The following XKR4 variants were observed in gnomAD, a reference collection of about 807,000 sequenced individuals.
The protein encoded by XKR4 is XK-related protein 4.
In XKR4, 12 loss-of-function variants were observed where a neutral mutation model predicts 53.9. The ratio of observed to expected loss-of-function variants is 0.22; its 90% CI spans 0.14 to 0.36. The LOEUF is 0.36. XKR4 is among the 10% of genes least tolerant of loss of function. The pLI is 1.00. For missense variants in XKR4, 799 were observed against 859.5 expected (o/e 0.93, Z 0.88); for synonymous variants, 354 against 362.4 (o/e 0.98, Z 0.26).
intron 2 of XKR4, among the ~76,000 whole-genome samples, chr8:55,460,083 A>T (rs1805631240): frequency 6.6e-6 from 1 of 152,142 alleles, no homozygotes; most frequent in African/African-American, 2.4e-5. Flanking sequence ...ATACAACTGG[A>T]TACTATTCAG....
intron 1 of XKR4, among the ~76,000 whole-genome samples, chr8:55,113,377 T>A (rs2129351197): frequency 6.6e-6 from 1 of 152,290 alleles, no homozygotes; most frequent in East Asian, 1.9e-4. Context: ...TATTCCACAA[T>A]CAGAGAGCAG....
At chr8:55,417,362 G>T (rs1363287016) in intron 2 of XKR4, among the ~76,000 whole-genome samples, 1 of 152,112 alleles carries the variant, frequency 6.6e-6, no homozygotes, top group Non-Finnish European at 1.5e-5. Flanking sequence ...TTCATAAATT[G>T]GTTAATTCGG....
intron 1 of XKR4, among the ~76,000 whole-genome samples, chr8:55,322,135 A>T (rs886094582): frequency 6.6e-6 from 1 of 152,174 alleles, no homozygotes; most frequent in African/African-American, 2.4e-5. Flanking sequence ...ACCATTCTTT[A>T]TAGGTTTACC....
intron 2 of XKR4, among the ~76,000 whole-genome samples, chr8:55,379,487 G>T (rs1804200950): frequency 1.3e-5 from 2 of 152,210 alleles, no homozygotes; most frequent in African/African-American, 4.8e-5. Context: ...ACGCGTTTTT[G>T]CAGAATGCCT....
chr8:55,282,670 C>T lies in XKR4; in HGVS notation c.807-75008C>T, dbSNP rs116409773. Among the ~76,000 whole-genome samples the T allele has an allele frequency of 8.3e-4, 127 of 152,264 alleles. 2 individuals carry two copies. The highest frequency in any genetic ancestry group is 2.9e-3 in the African/African-American group (121 of 41,558). On this transcript the variant is annotated intron_variant, in intron 1 of 2. Coordinates refer to ENST00000327381, the MANE Select transcript of XKR4 (RefSeq NM_052898.2). ...CATGACCCAGCCACCTCCCACTTGT[C>T]CTACCTCCAACATTGGGGATCAAAT...
At chr8:55,502,130 C>T (rs911262580) in intron 2 of XKR4, among the ~76,000 whole-genome samples, 1 of 152,028 alleles carries the variant, frequency 6.6e-6, no homozygotes, top group Non-Finnish European at 1.5e-5. Context: ...TATTTTTGAT[C>T]CATGAATCTT....
chr8:55,357,092 TTA>T (rs1443502180), intron 1 of XKR4, among the ~76,000 whole-genome samples: 1 of 152,194 alleles, frequency 6.6e-6, no homozygotes, highest in Admixed American at 6.5e-5. Context: ...GAGTCAAAAA[TTA>T]TATGCAGATT....
In XKR4 at chr8:55,468,086, T is replaced by G. The variant is rs117825882; in HGVS notation, c.1007-55195T>G. On this transcript the variant is annotated intron_variant, in intron 2 of 2. Coordinates refer to ENST00000327381, the MANE Select transcript of XKR4 (RefSeq NM_052898.2). ...CATATAAATCAAATAGGATTTCCAGTTTCCATCACAGAAGACAGGAACTAT... is the reference window on the plus strand; with the variant it reads ...CATATAAATCAAATAGGATTTCCAGGTTCCATCACAGAAGACAGGAACTAT... Among the ~76,000 whole-genome samples the G allele has an allele frequency of 9.9e-5, 15 of 152,088 alleles. 1 individual carries two copies. The highest frequency in any genetic ancestry group is 3.2e-3 in the Middle Eastern group (1 of 316).
At chr8:55,476,397 A>G (rs983022007) in intron 2 of XKR4, among the ~76,000 whole-genome samples, 1 of 152,148 alleles carries the variant, frequency 6.6e-6, no homozygotes. Context: ...GGTTTTAATC[A>G]GTGAAATTGC....
At chr8:55,195,162 T>TAG (rs1281398762) in intron 1 of XKR4, among the ~76,000 whole-genome samples, 18 of 99,068 alleles carry the variant, frequency 1.8e-4, no homozygotes, top group Non-Finnish European at 2.2e-4. Context: ...GACAAGTCCA[T>TAG]GAACTAACTG....
chr8:55,460,010 TG>T (rs1805629353), intron 2 of XKR4, among the ~76,000 whole-genome samples: 2 of 102,948 alleles, frequency 1.9e-5, no homozygotes, highest in African/African-American at 3.1e-5. Context: ...AGCCAAATGC[TG>T]AAAAAAAAAA....
intron 1 of XKR4, among the ~76,000 whole-genome samples, chr8:55,261,482 G>C (rs934552050): frequency 1.3e-5 from 2 of 152,144 alleles, no homozygotes; most frequent in African/African-American, 4.8e-5. Flanking sequence ...ATCCAACAAG[G>C]TTTAGGTCAA....
chr8:55,451,454 TCTC>T (rs1805441818), intron 2 of XKR4: 7 of 1,245,202 alleles, frequency 5.6e-6, no homozygotes, highest in South Asian at 2.6e-5. Flanking sequence ...TGCAGGTACT[TCTC>T]CTGCTCCAGG....
chr8:55,280,391 T>C (rs1206123559), intron 1 of XKR4, among the ~76,000 whole-genome samples: 1 of 152,214 alleles, frequency 6.6e-6, no homozygotes, highest in Non-Finnish European at 1.5e-5. Flanking sequence ...GGTTGTGCTG[T>C]TACTTAAACA....
At chr8:55,274,088 G>A (rs189648751) in intron 1 of XKR4, among the ~76,000 whole-genome samples, 2 of 152,334 alleles carry the variant, frequency 1.3e-5, no homozygotes, top group East Asian at 3.9e-4. Flanking sequence ...TCAGGGCATT[G>A]AGCAAGTTCA....
intron 2 of XKR4, among the ~76,000 whole-genome samples, chr8:55,399,271 T>C (rs1399170055): frequency 6.6e-6 from 1 of 152,196 alleles, no homozygotes; most frequent in African/African-American, 2.4e-5. Flanking sequence ...TATGTCCACA[T>C]GTACAGAAGA....
At chr8:55,266,813 G>A (rs1365998033) in intron 1 of XKR4, among the ~76,000 whole-genome samples, 1 of 152,148 alleles carries the variant, frequency 6.6e-6, no homozygotes, top group Non-Finnish European at 1.5e-5. Context: ...CCCCTCCTCT[G>A]AGTTTGTCTA....
intron 1 of XKR4, among the ~76,000 whole-genome samples, chr8:55,298,690 C>T (rs1205116237): frequency 6.6e-6 from 1 of 152,138 alleles, no homozygotes; most frequent in Admixed American, 6.5e-5. Context: ...GGACAAACGT[C>T]CAACCTATAT....
chr8:55,484,063 T>A (rs1343805634), intron 2 of XKR4, among the ~76,000 whole-genome samples: 1 of 152,142 alleles, frequency 6.6e-6, no homozygotes, highest in Non-Finnish European at 1.5e-5. Context: ...GGAATAACAC[T>A]ACTCTCATAA....
Sources: gnomAD v4.1 joint callset for allele counts (sites outside exome capture counted in the v4.1 genomes callset) on GRCh38, gnomAD v4.1.1 for gene constraint, MANE v1.5 for transcripts, NCBI Gene and HGNC (gene_info 2026-07-23, HGNC 2026-07-21) for gene names.